Variants in NLGN1 observed in about 807,000 individuals in gnomAD.
NLGN1 encodes the protein neuroligin-1.
Under a neutral mutation model 65.5 loss-of-function variants are expected in NLGN1, and 12 were observed. That is an observed-to-expected ratio of 0.18 (90% CI 0.12 to 0.30). The LOEUF (loss-of-function observed/expected upper bound fraction) is 0.30, where lower values mean the gene tolerates loss of function less well. Among genes scored for constraint, NLGN1 ranks in the 10% least tolerant of loss-of-function variants. The probability of loss-of-function intolerance (pLI) is 1.00; values close to 1 mark genes in which losing one functional copy is unlikely to be tolerated. For missense variants in NLGN1, 750 were observed against 1,007.1 expected (o/e 0.74, Z 3.46); for synonymous variants, 350 against 359.5 (o/e 0.97, Z 0.30).
In NLGN1 at chr3:173,777,704, C is replaced by T; in HGVS notation, c.494-29976C>T. On this transcript the variant is annotated intron_variant, in intron 3 of 6. Coordinates refer to ENST00000457714, the Ensembl canonical transcript of NLGN1. ...ATCCCATTTTTAGAAATCCATTCAT[C>T]CCTTGGTGGTCACTTAGGTTGATTT... 1.3e-5 allele frequency among the ~76,000 whole-genome samples: 2 copies of T among 151,316 alleles called. 1 individual carries two copies. Among genetic ancestry groups the T allele is most frequent in the Non-Finnish European group, 3.0e-5 (2 of 67,682 alleles).
At chr3:174,007,810 G>A (rs1176403979) in intron 4 of NLGN1, among the ~76,000 whole-genome samples, 1 of 152,246 alleles carries the variant, frequency 6.6e-6, no homozygotes, top group African/African-American at 2.4e-5. Flanking sequence ...ATTATACATT[G>A]TATACACACA....
At chr3:173,763,433 T>TAAAATGGA (rs1227300189) in intron 3 of NLGN1, among the ~76,000 whole-genome samples, 1 of 152,156 alleles carries the variant, frequency 6.6e-6, no homozygotes, top group Non-Finnish European at 1.5e-5. Context: ...CCCTGTTGAA[T>TAAAATGGA]AAAATGGAAA....
At chr3:174,184,312 C>T (rs575395997) in intron 4 of NLGN1, among the ~76,000 whole-genome samples, 98 of 151,650 alleles carry the variant, frequency 6.5e-4, no homozygotes, top group African/African-American at 2.2e-3. Flanking sequence ...TGTCAAAAAA[C>T]ACTCAGCCAA....
intron 3 of NLGN1, among the ~76,000 whole-genome samples, chr3:173,608,021 C>G (rs1185605852): frequency 6.6e-6 from 1 of 151,822 alleles, no homozygotes; most frequent in African/African-American, 2.4e-5. Flanking sequence ...AAGCCACATA[C>G]TATTCAAGTC....
intron 2 of NLGN1, among the ~76,000 whole-genome samples, chr3:173,568,556 T>C (rs1744107479): frequency 6.6e-6 from 1 of 152,154 alleles, no homozygotes; most frequent in Non-Finnish European, 1.5e-5. Flanking sequence ...CTTAAACTTA[T>C]TCCTCCTAAT....
At chr3:173,503,009 T>C (rs913862592) in intron 2 of NLGN1, among the ~76,000 whole-genome samples, 25 of 152,196 alleles carry the variant, frequency 1.6e-4, no homozygotes, top group African/African-American at 5.3e-4. Flanking sequence ...TTGCAACTTA[T>C]ACAGCCTTAT....
chr3:173,787,327 A>C (rs1782149986), intron 3 of NLGN1, among the ~76,000 whole-genome samples: 1 of 152,232 alleles, frequency 6.6e-6, no homozygotes, highest in Non-Finnish European at 1.5e-5. Context: ...TGTGATATTC[A>C]GGACATGGCT....
chr3:174,170,186 G>C (rs1305801571), intron 4 of NLGN1, among the ~76,000 whole-genome samples: 1 of 151,446 alleles, frequency 6.6e-6, no homozygotes, highest in Non-Finnish European at 1.5e-5. Context: ...CTAGGTGGTT[G>C]AGGTGTGCTG....
chr3:174,118,859 C>G (rs956637595), intron 4 of NLGN1, among the ~76,000 whole-genome samples: 7 of 152,104 alleles, frequency 4.6e-5, no homozygotes, highest in Non-Finnish European at 1.0e-4. Flanking sequence ...CTGTTGCACC[C>G]TTGACTTGTA....
intron 2 of NLGN1, among the ~76,000 whole-genome samples, chr3:173,556,944 G>A (rs1741807364): frequency 6.6e-6 from 1 of 152,028 alleles, no homozygotes; most frequent in Non-Finnish European, 1.5e-5. Flanking sequence ...TGTTCCATGT[G>A]CAGTTATAAT....
chr3:173,472,421 T>A (rs186523617), intron 2 of NLGN1, among the ~76,000 whole-genome samples: 1 of 152,256 alleles, frequency 6.6e-6, no homozygotes, highest in East Asian at 1.9e-4. Flanking sequence ...GTGAGCCATA[T>A]AAGAAATGAT....
intron 2 of NLGN1, among the ~76,000 whole-genome samples, chr3:173,480,244 G>A (rs1049587063): frequency 5.3e-5 from 8 of 151,992 alleles, no homozygotes; most frequent in African/African-American, 1.9e-4. Flanking sequence ...GCATTATGGA[G>A]TCATAGACTG....
chr3:174,185,440 T>G (rs1731215604), intron 4 of NLGN1, among the ~76,000 whole-genome samples: 1 of 152,128 alleles, frequency 6.6e-6, no homozygotes, highest in Non-Finnish European at 1.5e-5. Flanking sequence ...GAATTCAATT[T>G]TATTTATTTT....
At chr3:174,018,567 C>G (rs1727097716) in intron 4 of NLGN1, among the ~76,000 whole-genome samples, 1 of 152,116 alleles carries the variant, frequency 6.6e-6, no homozygotes, top group Non-Finnish European at 1.5e-5. Context: ...GTTCAGGGTC[C>G]CTGACTTCCT....
intron 4 of NLGN1, among the ~76,000 whole-genome samples, chr3:173,823,289 C>G (rs1381163235): frequency 6.6e-6 from 1 of 151,916 alleles, no homozygotes; most frequent in Non-Finnish European, 1.5e-5. Flanking sequence ...CTGCAATACA[C>G]ATACATAATT....
In NLGN1 at chr3:174,257,739, T is replaced by TATATATATATATA. The variant is rs1358144371; in HGVS notation, c.647-17576_647-17575insATATATATATATA. ...TAGTGGAATATATATATATATATAT[T>TATATATATATATA]TATTCAGCTTCTGTTTCCTGTAATT... is the stretch of plus-strand genomic sequence containing the variant. On this transcript the variant is annotated intron_variant, in intron 4 of 6. Transcript: ENST00000457714. Among the ~76,000 whole-genome samples, 13 of 150,884 alleles carry TATATATATATATA rather than the reference T, an allele frequency of 8.6e-5. No individual in the cohort carries two copies. In the East Asian group the frequency reaches 1.2e-3, roughly 14 times the overall value.
chr3:173,461,165 A>C lies in NLGN1; in HGVS notation c.-321+26087A>C, dbSNP rs115440845. Reference sequence around the variant, plus strand: ...GAGCCTTGATGTAAGGAAATCAATCAAAGAGACTGAACTGTCCATGCATGG... The same window carrying C: ...GAGCCTTGATGTAAGGAAATCAATCCAAGAGACTGAACTGTCCATGCATGG... On this transcript the variant is annotated intron_variant, in intron 2 of 6. Transcript: ENST00000457714. Among the ~76,000 whole-genome samples, 431 of 152,258 alleles carry C rather than the reference A, an allele frequency of 2.8e-3. 2 individuals are homozygous for C. The highest frequency in any genetic ancestry group is 0.01 in the Middle Eastern group (3 of 294).
At chr3:174,134,152 GAA>G (rs1157785873) in intron 4 of NLGN1, among the ~76,000 whole-genome samples, 2 of 152,112 alleles carry the variant, frequency 1.3e-5, no homozygotes, top group Non-Finnish European at 2.9e-5. Context: ...TTAAAGGACA[GAA>G]ATAGGAGAAT....
Position 173,489,612 on chromosome 3 carries a change from G to A in NLGN1, c.-321+54534G>A, listed in dbSNP as rs1281007203. ...TGGGTATATACCCAGTAATGGGATG[G>A]CTGGGTCAAATGGTATTTCTAGTTC... On this transcript the variant is annotated intron_variant, in intron 2 of 6. Transcript: ENST00000457714. Among the ~76,000 whole-genome samples, 263 of 152,118 alleles carry A rather than the reference G, an allele frequency of 1.7e-3. 1 individual carries two copies. Among genetic ancestry groups the A allele is most frequent in the African/African-American group, 6.1e-3 (251 of 41,406 alleles).
Sources: gnomAD v4.1 joint callset for allele counts (sites outside exome capture counted in the v4.1 genomes callset) on GRCh38, gnomAD v4.1.1 for gene constraint, MANE v1.5 for transcripts, NCBI Gene and HGNC (gene_info 2026-07-23, HGNC 2026-07-21) for gene names.